SRCIN1: variants seen among roughly 807,000 people sequenced by gnomAD.
The protein encoded by SRCIN1 is SRC kinase signaling inhibitor 1.
A neutral mutation model predicts 116.2 loss-of-function variants in SRCIN1; 50 were observed. The observed-to-expected ratio is 0.43, with a 90% CI of 0.34 to 0.54. The LOEUF is 0.54. SRCIN1 is among the 20% of genes least tolerant of loss of function. SRCIN1 has a pLI of 0.02. For synonymous variants in SRCIN1, 736 were observed against 750.0 expected (o/e 0.98, Z 0.30); for missense variants, 1,446 against 1,672.0 (o/e 0.86, Z 2.36).
intron 14 of SRCIN1, chr17:38,551,650 A>G (rs969322723): frequency 1.6e-5 from 11 of 670,072 alleles, no homozygotes; most frequent in African/African-American, 1.6e-4. Flanking sequence ...CTGACTACAT[A>G]GTCTATTCTT....
intron 1 of SRCIN1, among the ~76,000 whole-genome samples, chr17:38,596,142 C>CAGGAAAGG (rs1908717986): frequency 6.6e-6 from 1 of 152,164 alleles, no homozygotes; most frequent in Non-Finnish European, 1.5e-5. Flanking sequence ...GGGTGAGGGA[C>CAGGAAAGG]AGGAAAGGAG....
chr17:38,587,984 C>T (rs1357452840), intron 1 of SRCIN1, among the ~76,000 whole-genome samples: 1 of 151,930 alleles, frequency 6.6e-6, no homozygotes, highest in Non-Finnish European at 1.5e-5. Context: ...AAAACCACTG[C>T]ATCCACTGAC....
chr17:38,539,835 A>T (rs1306422829), intron 18 of SRCIN1, among the ~76,000 whole-genome samples: 1 of 152,018 alleles, frequency 6.6e-6, no homozygotes. Flanking sequence ...AGCCTGGTCA[A>T]CATGGTGAAA....
At chr17:38,560,011 G>T in intron 9 of SRCIN1, 43 bp downstream of exon 9, 1 of 1,494,328 alleles carries the variant, frequency 6.7e-7, no homozygotes, top group Non-Finnish European at 9.1e-7. Context: ...TTAGAAAACA[G>T]GCTCGGAGAG....
rs1317995232 is a variant in SRCIN1, at chr17:38,559,844, T to G, written c.1838-72A>C. Reference sequence around the variant, plus strand: ...TGGGAAGGACTGGGCTGGGACAAAGTCCTCCCTACTCTCCGACCCCACACA... The same window carrying G: ...TGGGAAGGACTGGGCTGGGACAAAGGCCTCCCTACTCTCCGACCCCACACA... On this transcript the variant is annotated intron_variant, in intron 9 of 18. Transcript: ENST00000617146. The G allele has an allele frequency of 4.2e-6, 6 of 1,444,292 alleles. No individual in the cohort carries two copies. The East Asian group carries it at 1.5e-4, about 36-fold the overall frequency. The allele number at this position is 1,444,292 out of a possible 1,614,324, so 89.5% of individuals were successfully genotyped here. A position where few individuals can be genotyped will look rare whatever the true frequency, so the allele number is the denominator to read the frequency against.
chr17:38,538,433 ATAAT>A lies in SRCIN1; in HGVS notation c.3418-5006_3418-5003del, dbSNP rs1462215444. Among the ~76,000 whole-genome samples the A allele has an allele frequency of 3.4e-3, 462 of 136,924 alleles. 8 individuals are homozygous for A. Among genetic ancestry groups the A allele is most frequent in the African/African-American group, 0.012 (434 of 35,686 alleles). The allele number at this position is 136,924 out of a possible 152,430, so 89.8% of individuals were successfully genotyped here. On this transcript the variant is annotated intron_variant, in intron 18 of 18. Coordinates refer to ENST00000617146, the MANE Select transcript of SRCIN1 (RefSeq NM_025248.3). ...CTCCGTCTCAAAAAAAAAAAAAAAA[ATAAT>A]AATAATAATAATAAAATAATAAAAA...
chr17:38,575,943 GAACGGGCCATAGATC>G (rs1907393541), intron 2 of SRCIN1, among the ~76,000 whole-genome samples: 1 of 152,172 alleles, frequency 6.6e-6, no homozygotes, highest in Non-Finnish European at 1.5e-5. Context: ...CATGGCAAGT[GAACGGGCCATAGATC>G]CTGCCCACTT....
chr17:38,580,523 T>C (rs1907729973), intron 1 of SRCIN1, among the ~76,000 whole-genome samples: 1 of 152,208 alleles, frequency 6.6e-6, no homozygotes, highest in Admixed American at 6.5e-5. Flanking sequence ...AAATGGCTAC[T>C]GAGACTCAGA....
intron 1 of SRCIN1, among the ~76,000 whole-genome samples, chr17:38,596,265 A>G (rs1222157524): frequency 6.6e-6 from 1 of 152,104 alleles, no homozygotes; most frequent in Non-Finnish European, 1.5e-5. Flanking sequence ...GCCATGGGCC[A>G]TGGGGTTGGG....
At chr17:38,561,315 C>A (rs1906221069) in intron 7 of SRCIN1, 148 bp downstream of exon 7, 1 of 977,240 alleles carries the variant, frequency 1.0e-6, no homozygotes, top group Non-Finnish European at 1.4e-6. Context: ...CCAAGATGCT[C>A]TCTGGCGACC....
Position 38,533,110 on chromosome 17 carries a change from AAAC to A in SRCIN1, c.*184_*186del, listed in dbSNP as rs1567845662. On this transcript the variant is annotated 3_prime_UTR_variant, in exon 19 of 19. Coordinates refer to ENST00000617146, the MANE Select transcript of SRCIN1 (RefSeq NM_025248.3). ...AGTTAATTGTTAAAAAAAAAAAAAA[AAAC>A]AAAACCAAAAACACCAACAGATGAT... is the stretch of plus-strand genomic sequence containing the variant. 36 of 477,228 alleles carry A rather than the reference AAAC, an allele frequency of 7.5e-5. No homozygotes were observed. The highest frequency in any genetic ancestry group is 1.9e-4 in the South Asian group (2 of 10,616). 29.6% of individuals were successfully genotyped at this position (477,228 alleles called of 1,614,324 possible).
chr17:38,592,927 C>A (rs979855371), intron 1 of SRCIN1, among the ~76,000 whole-genome samples: 3 of 151,936 alleles, frequency 2.0e-5, no homozygotes, highest in Non-Finnish European at 4.4e-5. Flanking sequence ...GCTGCAGAGG[C>A]TGCAAGGCAC....
intron 1 of SRCIN1, among the ~76,000 whole-genome samples, chr17:38,595,839 C>T (rs1349167551): frequency 6.6e-6 from 1 of 152,268 alleles, no homozygotes; most frequent in Admixed American, 6.5e-5. Flanking sequence ...CGCACACTCA[C>T]TGACATGCAC....
At position 38,578,678 on chromosome 17, in the gene SRCIN1, T is replaced by C; in HGVS notation, c.136A>G (p.Asn46Asp). 6.4e-7 allele frequency: 1 copy of C among 1,552,288 alleles called. No homozygotes were observed. Residue 46 changes from asparagine (N) to aspartate (D), a missense_variant, in exon 2 of 19, where the codon AAC becomes GAC. Asn to Asp is a conservative substitution (Grantham distance 23). Around this residue, in one of 5 missense-constraint regions of SRCIN1, gnomAD observed 246 missense variants for 265.1 expected, o/e 0.93. Transcript: ENST00000617146. ...TCGGACGTGTGCACCAGCCCCACGT[T>C]GGAGAAGCGCCGGCCCCCGCTGCCC... Reference protein sequence around the residue: ...GGGSGGRRFSNVGLVHTSERR... With the variant: ...GGGSGGRRFSDVGLVHTSERR...
chr17:38,591,389 C>G (rs968852590), intron 1 of SRCIN1, among the ~76,000 whole-genome samples: 1 of 152,192 alleles, frequency 6.6e-6, no homozygotes, highest in Non-Finnish European at 1.5e-5. Flanking sequence ...CAGGTCCTTC[C>G]TGTGTGGCCC....
Position 38,533,365 on chromosome 17 carries a change from A to G in SRCIN1, c.3484T>C (p.Ser1162Pro), listed in dbSNP as rs370675256. The G allele has an allele frequency of 1.3e-4, 208 of 1,610,098 alleles. No individual in the cohort carries two copies. The highest frequency in any genetic ancestry group is 1.7e-4 in the Non-Finnish European group (198 of 1,178,530). Reference protein sequence around the residue: ...ETSSPVSEKPSASRTSIPVLT... With the variant: ...ETSSPVSEKPPASRTSIPVLT... ...ACAGGGATAGAGGTTCTGGAAGCCG[A>G]GGGCTTTTCTGAGACTGGGCTCGAG... is the stretch of plus-strand genomic sequence containing the variant. The change falls in exon 19 of 19, where the codon TCG becomes CCG. Residue 1162 changes from serine (S) to proline (P), a missense_variant. By Grantham distance (74) the Ser-to-Pro change is moderately conservative. Transcript: ENST00000617146.
At chr17:38,575,195 G>C (rs1907343770) in intron 2 of SRCIN1, among the ~76,000 whole-genome samples, 1 of 152,168 alleles carries the variant, frequency 6.6e-6, no homozygotes, top group African/African-American at 2.4e-5. Flanking sequence ...TAGACCTGGG[G>C]GTTCCCTGAG....
At chr17:38,548,023 A>G in intron 17 of SRCIN1, 1 of 193,916 alleles carries the variant, frequency 5.2e-6, no homozygotes, top group Non-Finnish European at 1.1e-5. Context: ...CCCTTGCCAT[A>G]GCCGCCAGCC....
Position 38,552,350 on chromosome 17 carries a change from G to A in SRCIN1, c.2480+97C>T. On this transcript the variant is annotated intron_variant, in intron 13 of 18. Transcript: ENST00000617146. The surrounding 1 kb of genome is among the most constrained non-coding windows in gnomAD (Gnocchi z 5.3). ...GTGCCAGTCCAGTCGGCACGCCAGT[G>A]ACCTTTGGGGGAGTTGGGGTAAGGG... 2 of 1,482,014 alleles carry A rather than the reference G, an allele frequency of 1.3e-6. No homozygotes were observed. The highest frequency in any genetic ancestry group is 2.8e-5 in the African/African-American group (2 of 70,560). 91.8% of individuals were successfully genotyped at this position (1,482,014 alleles called of 1,614,324 possible).
Sources: gnomAD v4.1 joint callset for allele counts (sites outside exome capture counted in the v4.1 genomes callset) on GRCh38, gnomAD v4.1.1 for gene constraint, gnomAD v4.1.1 regional missense constraint, Gnocchi (gnomAD v3.1) non-coding constraint, MANE v1.5 for transcripts, NCBI Gene and HGNC (gene_info 2026-07-23, HGNC 2026-07-21) for gene names.